Variants in FBXO41 observed in about 807,000 individuals in gnomAD.
FBXO41 encodes F-box protein 41, also known as F-box only protein 41.
In FBXO41, 33 loss-of-function variants were observed where a neutral mutation model predicts 81.6. That is an observed-to-expected ratio of 0.40 (90% confidence interval 0.31 to 0.54). The LOEUF (loss-of-function observed/expected upper bound fraction) is 0.54. FBXO41 is among the 20% of genes least tolerant of loss of function. FBXO41 has a pLI of 0.39. For synonymous variants in FBXO41, 576 were observed against 552.7 expected (o/e 1.04, Z -0.59); for missense variants, 1,107 against 1,236.0 (o/e 0.90, Z 1.56).
intron 1 of FBXO41, among the ~76,000 whole-genome samples, chr2:73,276,597 A>AGG (rs1459632307): frequency 7.6e-5 from 8 of 105,700 alleles, no homozygotes; most frequent in African/African-American, 1.6e-4. Context: ...AGAGAGAGAG[A>AGG]GAGAGAGGGA....
At chr2:73,268,651 A>G in intron 2 of FBXO41, 75 bp downstream of exon 2, 1 of 1,382,398 alleles carries the variant, frequency 7.2e-7, no homozygotes, top group African/African-American at 1.5e-5. Flanking sequence ...ACACTCAGGC[A>G]CGCCCACGGT....
chr2:73,256,828 GGCAT>G lies in FBXO41; in HGVS notation c.*2150_*2153del, dbSNP rs2103835641. 6.5e-6 allele frequency: 1 copy of G among 152,812 alleles called. No homozygotes were observed. Among genetic ancestry groups the G allele is most frequent in the African/African-American group, 2.4e-5 (1 of 41,574 alleles). 9.5% of individuals were successfully genotyped at this position (152,812 alleles called of 1,614,324 possible). On this transcript the variant is annotated 3_prime_UTR_variant, in exon 13 of 13. Coordinates refer to ENST00000520530, the MANE Select transcript of FBXO41 (RefSeq NM_001371389.2). The stretch of plus-strand genomic sequence containing the variant: ...AACCTCCTTTCTAGGGCTAATGCCA[GGCAT>G]TCTAGTGTGTACCACCCAGAGAGAA...
Position 73,265,952 on chromosome 2 carries a change from C to G in FBXO41, c.1146G>C (p.Val382=). Residue 382 remains valine (V), a synonymous_variant, in exon 4 of 13, where the codon GTG becomes GTC. Coordinates refer to ENST00000520530, the MANE Select transcript of FBXO41 (RefSeq NM_001371389.2). ...CATATGTGTTAGGCACGGCCGGGCC[C>G]ACGTGGTGTTCTCGCTGTGGGCCCC... is the stretch of plus-strand genomic sequence containing the variant. The part of the protein sequence containing the change: ...RGPGRMREHH[V]GPAVPNTYAV... 2 of 1,576,906 alleles carry G rather than the reference C, an allele frequency of 1.3e-6. No homozygotes were observed. The highest frequency in any genetic ancestry group is 1.7e-6 in the Non-Finnish European group (2 of 1,160,670).
At chr2:73,279,071 G>A (rs750969910) in intron 1 of FBXO41, among the ~76,000 whole-genome samples, 1 of 152,172 alleles carries the variant, frequency 6.6e-6, no homozygotes, top group Non-Finnish European at 1.5e-5. Flanking sequence ...TATTAACCAC[G>A]GTAGCAGGAG....
intron 9 of FBXO41, among the ~76,000 whole-genome samples, chr2:73,261,160 A>T (rs1688009872): frequency 6.6e-6 from 1 of 151,570 alleles, no homozygotes; most frequent in Non-Finnish European, 1.5e-5. Context: ...GGGTTCAAGC[A>T]ATTCTCCTGC....
At chr2:73,261,054 A>G (rs1018880196) in intron 9 of FBXO41, among the ~76,000 whole-genome samples, 196 bp from the exon 10 acceptor site, 3 of 145,030 alleles carry the variant, frequency 2.1e-5, no homozygotes, top group African/African-American at 8.1e-5. Flanking sequence ...TCTGATTCCC[A>G]AGCACTCTTT....
Position 73,269,108 on chromosome 2 carries a change from G to A in FBXO41, c.523C>T (p.Pro175Ser). 1 of 1,508,448 alleles carries A rather than the reference G, an allele frequency of 6.6e-7. No individual in the cohort carries two copies. Among genetic ancestry groups the A allele is most frequent in the Non-Finnish European group, 8.8e-7 (1 of 1,136,432 alleles). 93.4% of individuals were successfully genotyped at this position (1,508,448 alleles called of 1,614,324 possible). A position where few individuals can be genotyped will look rare whatever the true frequency, so the allele number is the denominator to read the frequency against. Residue 175 changes from proline to serine, a missense_variant, in exon 2 of 13, where the codon CCC (proline) becomes TCC (serine). Coordinates refer to ENST00000520530, the MANE Select transcript of FBXO41 (RefSeq NM_001371389.2). The surrounding 1 kb of genome is among the most constrained non-coding windows in gnomAD (Gnocchi z 7.0). ...GGCCCGGGGCAAGGGCCGGGGCCGG[G>A]GCCAGGCGGCGGCGTCGAGCACGCC... ...SSACSTPPPG[P>S]GPGPCPGPAS...
intron 2 of FBXO41, among the ~76,000 whole-genome samples, chr2:73,268,430 C>T (rs1688360150): frequency 6.6e-6 from 1 of 152,082 alleles, no homozygotes; most frequent in Non-Finnish European, 1.5e-5. Context: ...TGAGCTATAT[C>T]TTTGGCTAGG....
In FBXO41 at chr2:73,269,900, T is replaced by C. The variant is rs539281742; in HGVS notation, c.-138-132A>G. ...CAAGGGGAGACCTCCCAGAGGAGGC[T>C]GGCCTGCTCTGGCACCTGTGCGAGG... On this transcript the variant is annotated intron_variant, in intron 1 of 12. Coordinates refer to ENST00000520530, the MANE Select transcript of FBXO41 (RefSeq NM_001371389.2). This position sits in a 1 kb window ranked among gnomAD's most constrained non-coding sequence, Gnocchi z 7.0. The C allele has an allele frequency of 3.0e-4, 54 of 177,552 alleles. No individual in the cohort carries two copies. The highest frequency in any genetic ancestry group is 5.5e-4 in the Non-Finnish European group (47 of 85,122). The allele number at this position is 177,552 out of a possible 1,614,324, so 11.0% of individuals were successfully genotyped here. A position where few individuals can be genotyped will look rare whatever the true frequency, so the allele number is the denominator to read the frequency against.
chr2:73,276,559 TCA>T (rs1491407134), intron 1 of FBXO41, among the ~76,000 whole-genome samples: 21 of 75,812 alleles, frequency 2.8e-4, no homozygotes, highest in African/African-American at 9.6e-4. Context: ...GCAAATCTAT[TCA>T]GAGAGAGAGA....
At position 73,266,482 on chromosome 2, in the gene FBXO41, G is replaced by T; in HGVS notation, c.1106C>A (p.Pro369His). 2 of 1,546,734 alleles carry T rather than the reference G, an allele frequency of 1.3e-6. No homozygotes were observed. The highest frequency in any genetic ancestry group is 1.8e-6 in the Non-Finnish European group (2 of 1,142,392). The change falls in exon 3 of 13, where the codon CCC becomes CAC. Residue 369 changes from proline (P) to histidine (H), a missense_variant. By Grantham distance (77) the Pro-to-His change is moderately conservative. Around this residue, in one of 2 missense-constraint regions of FBXO41, gnomAD observed 771 missense variants for 789.2 expected, o/e 0.98. Transcript: ENST00000520530. This position sits in a 1 kb window ranked among gnomAD's most constrained non-coding sequence, Gnocchi z 5.3. ...GRGGGGGGAG[P>H]NARGPGRMRE... ...CATTCTGCCTGGGCCCCGGGCATTG[G>T]GTCCAGCACCACCGCCCCCACCTCC...
rs562480775 is a variant in FBXO41 at position 73,263,543 on chromosome 2, G to C, written c.2075+135C>G. Reference sequence around the variant, plus strand: ...AGTGGTGGCCTCTGCTCTTGCCAAGGCTTCCTTTCCTTCAGCCATAGAGCT... The same window carrying C: ...AGTGGTGGCCTCTGCTCTTGCCAAGCCTTCCTTTCCTTCAGCCATAGAGCT... On this transcript the variant is annotated intron_variant, in intron 8 of 12. Transcript: ENST00000520530. The C allele has an allele frequency of 7.9e-4, 927 of 1,176,548 alleles. 1 individual carries two copies. Among genetic ancestry groups the C allele is most frequent in the Non-Finnish European group, 1.0e-3 (879 of 842,080 alleles). 72.9% of individuals were successfully genotyped at this position (1,176,548 alleles called of 1,614,324 possible). A position where few individuals can be genotyped will look rare whatever the true frequency, so the allele number is the denominator to read the frequency against.
In FBXO41 at chr2:73,263,978, C is replaced by A; in HGVS notation, c.1882G>T (p.Gly628Ter). The change falls in exon 7 of 13, where the codon GGA becomes TGA. Residue 628 changes from glycine (G) to a stop codon, truncating the protein, a stop_gained. Coordinates refer to ENST00000520530, the MANE Select transcript of FBXO41 (RefSeq NM_001371389.2). LOFTEE classifies it high-confidence loss of function. Reference sequence around the variant, plus strand: ...TACTCCTCCTTGCTCTCCTTCTTTCCCCGCTGCCGGGGCTTCAAGTTCTGC... The same window carrying A: ...TACTCCTCCTTGCTCTCCTTCTTTCACCGCTGCCGGGGCTTCAAGTTCTGC... ...TLQNLKPRQR[G>*]KKESKEEYAR... 1 of 1,606,804 alleles carries A rather than the reference C, an allele frequency of 6.2e-7. No individual in the cohort carries two copies. Among genetic ancestry groups the A allele is most frequent in the Non-Finnish European group, 8.5e-7 (1 of 1,176,482 alleles).
chr2:73,277,473 A>G (rs1444731559), intron 1 of FBXO41, among the ~76,000 whole-genome samples: 1 of 152,154 alleles, frequency 6.6e-6, no homozygotes, highest in African/African-American at 2.4e-5. Context: ...TTGTGTCCCC[A>G]AATCAGCAAC....
chr2:73,265,413 C>T lies in FBXO41; in HGVS notation c.1433G>A (p.Ser478Asn). The change falls in exon 5 of 13, where the codon AGC becomes AAC. Residue 478 changes from serine (S) to asparagine (N), a missense_variant. Physicochemically the swap from Ser to Asn is conservative, Grantham distance 46. Coordinates refer to ENST00000520530, the MANE Select transcript of FBXO41 (RefSeq NM_001371389.2). Reference sequence around the variant, plus strand: ...GACATCACCCTCTTCCCCCTCAGTGCTGTGTCGGCGGGGTCTGCGCTGCCA... The same window carrying T: ...GACATCACCCTCTTCCCCCTCAGTGTTGTGTCGGCGGGGTCTGCGCTGCCA... ...QNWQRRPRRH[S>N]TEGEEGDVSD... The T allele has an allele frequency of 6.2e-7, 1 of 1,610,212 alleles. No individual in the cohort carries two copies. Among genetic ancestry groups the T allele is most frequent in the Non-Finnish European group, 8.5e-7 (1 of 1,179,720 alleles).
At chr2:73,261,405 G>T (rs1688018176) in intron 9 of FBXO41, among the ~76,000 whole-genome samples, 1 of 152,094 alleles carries the variant, frequency 6.6e-6, no homozygotes, top group African/African-American at 2.4e-5. Flanking sequence ...GCATTCTCTG[G>T]GTTAGCACTA....
intron 1 of FBXO41, among the ~76,000 whole-genome samples, chr2:73,273,500 C>T (rs754352693): frequency 4.7e-4 from 71 of 152,126 alleles, no homozygotes; most frequent in Non-Finnish European, 4.7e-4. Flanking sequence ...TGACAGCTTC[C>T]ATTGGCTCCC....
rs369640936 is a variant in FBXO41 at position 73,265,838 on chromosome 2, G to A, written c.1205+55C>T. On this transcript the variant is annotated intron_variant, in intron 4 of 12. Coordinates refer to ENST00000520530, the MANE Select transcript of FBXO41 (RefSeq NM_001371389.2). ...TGACACAAGCCCCAGACAGGCCAGCGGATCCTTCCAGGGTGAGGGTGGGCT... is the reference window on the plus strand; with the variant it reads ...TGACACAAGCCCCAGACAGGCCAGCAGATCCTTCCAGGGTGAGGGTGGGCT... 2,529 of 1,535,708 alleles carry A rather than the reference G, an allele frequency of 1.6e-3. 33 individuals are homozygous for A. In the South Asian group the frequency reaches 0.023, roughly 14 times the overall value.
intron 9 of FBXO41, among the ~76,000 whole-genome samples, chr2:73,261,774 T>G (rs1688029705): frequency 6.6e-6 from 1 of 152,164 alleles, no homozygotes; most frequent in Non-Finnish European, 1.5e-5. Context: ...AAATGCCATT[T>G]CCCTAAACAT....
Sources: allele counts gnomAD v4.1 joint callset (sites outside exome capture counted in the v4.1 genomes callset), GRCh38; gene constraint gnomAD v4.1.1; regional missense constraint gnomAD v4.1.1; non-coding constraint Gnocchi (gnomAD v3.1); transcripts MANE v1.5; gene names NCBI Gene and HGNC (gene_info 2026-07-23, HGNC 2026-07-21).